LHPP: variants seen among roughly 807,000 people sequenced by gnomAD.
LHPP encodes the protein phospholysine phosphohistidine inorganic pyrophosphate phosphatase.
In LHPP, 24 loss-of-function variants were observed where a neutral mutation model predicts 30.3. That is an observed-to-expected ratio of 0.79 (90% CI 0.57 to 1.11). The LOEUF (loss-of-function observed/expected upper bound fraction) is 1.11, where lower values mean the gene tolerates loss of function less well. LHPP is among the 50% of genes most tolerant of loss of function. The probability of loss-of-function intolerance (pLI) is 0.00; values close to 1 mark genes in which losing one functional copy is unlikely to be tolerated. For synonymous variants in LHPP, 150 were observed against 157.1 expected, an observed-to-expected ratio of 0.95 and a Z score of 0.34; for missense variants, 356 against 367.2, an observed-to-expected ratio of 0.97 and a Z score of 0.25.
At chr10:124,497,845 C>A (rs1260966710) in intron 4 of LHPP, among the ~76,000 whole-genome samples, 191 bp from the exon 5 acceptor site, 1 of 152,130 alleles carries the variant, frequency 6.6e-6, no homozygotes, top group Non-Finnish European at 1.5e-5. Flanking sequence ...GCTAGGGGAC[C>A]TGAGTGACCC....
At chr10:124,463,060 G>A (rs1425539159) in intron 1 of LHPP, among the ~76,000 whole-genome samples, 1 of 152,144 alleles carries the variant, frequency 6.6e-6, no homozygotes, top group Non-Finnish European at 1.5e-5. Context: ...GTAGAGACGG[G>A]GTTTCACCAT....
intron 5 of LHPP, among the ~76,000 whole-genome samples, chr10:124,506,961 TGGGCGG>T (rs1954113232): frequency 7.8e-5 from 1 of 12,744 alleles, no homozygotes; most frequent in Non-Finnish European, 1.4e-4. Flanking sequence ...GGATTTCAGG[TGGGCGG>T]GTAGACAGGA....
intron 5 of LHPP, among the ~76,000 whole-genome samples, chr10:124,502,237 T>C (rs943145521): frequency 8.6e-5 from 13 of 152,012 alleles, no homozygotes; most frequent in African/African-American, 3.2e-4. Context: ...ATCCCACTCA[T>C]GGCTTTCTGG....
In LHPP at chr10:124,546,702, G is replaced by A. The variant is rs569392123; in HGVS notation, c.716+29431G>A. Among the ~76,000 whole-genome samples the A allele has an allele frequency of 3.0e-3, 457 of 152,112 alleles. 4 individuals carry two copies. Among genetic ancestry groups the A allele is most frequent in the Non-Finnish European group, 4.3e-3 (289 of 67,980 alleles). The stretch of plus-strand genomic sequence containing the variant: ...TGGAATTACAGGCGTGAGCCACCGC[G>A]CCCGCCTCATGCGGTTGTATCTTGG... On this transcript the variant is annotated intron_variant, in intron 6 of 6. Coordinates refer to ENST00000368842, the MANE Select transcript of LHPP (RefSeq NM_022126.4).
At position 124,502,235 on chromosome 10, in the gene LHPP, C is replaced by T. The variant is rs192809787; in HGVS notation, c.624+4107C>T. 6.6e-4 allele frequency among the ~76,000 whole-genome samples: 100 copies of T among 152,152 alleles called. 1 individual carries two copies. The highest frequency in any genetic ancestry group is 2.4e-3 in the African/African-American group (99 of 41,370). On this transcript the variant is annotated intron_variant, in intron 5 of 6. Transcript: ENST00000368842. ...TTCAGACACCACCAGTCATCCCACT[C>T]ATGGCTTTCTGGGGACACGTTGCAT...
intron 1 of LHPP, among the ~76,000 whole-genome samples, chr10:124,468,299 G>T (rs957015864): frequency 1.3e-5 from 2 of 152,170 alleles, no homozygotes; most frequent in African/African-American, 4.8e-5. Flanking sequence ...CTAGCTGGGG[G>T]TGTCTCTGGT....
intron 6 of LHPP, among the ~76,000 whole-genome samples, chr10:124,600,189 C>A (rs538450484): frequency 1.3e-5 from 2 of 152,232 alleles, no homozygotes; most frequent in Admixed American, 1.3e-4. Context: ...TTGTTGGTAG[C>A]GCGGCCCCTC....
intron 6 of LHPP, among the ~76,000 whole-genome samples, chr10:124,531,036 C>T (rs1309595151): frequency 6.6e-6 from 1 of 152,202 alleles, no homozygotes; most frequent in Non-Finnish European, 1.5e-5. Context: ...TGAGGACACG[C>T]CCACCCGCCA....
chr10:124,593,678 C>T lies in LHPP; in HGVS notation c.717-19586C>T, dbSNP rs1000489337. On this transcript the variant is annotated intron_variant, in intron 6 of 6. Coordinates refer to ENST00000368842, the MANE Select transcript of LHPP (RefSeq NM_022126.4). The surrounding 1 kb of genome is among the most constrained non-coding windows in gnomAD (Gnocchi z 4.9). ...ATCCAGAGGGTGGTGGACCCAAACGCGACGTCCCCAGTGGCGGTGGCTGAG... is the reference window on the plus strand; with the variant it reads ...ATCCAGAGGGTGGTGGACCCAAACGTGACGTCCCCAGTGGCGGTGGCTGAG... Among the ~76,000 whole-genome samples, 8 of 152,240 alleles carry T rather than the reference C, an allele frequency of 5.3e-5. No homozygotes were observed. Among genetic ancestry groups the T allele is most frequent in the Admixed American group, 2.0e-4 (3 of 15,290 alleles).
At chr10:124,571,591 G>A (rs747352270) in intron 6 of LHPP, among the ~76,000 whole-genome samples, 5 of 152,234 alleles carry the variant, frequency 3.3e-5, no homozygotes, top group South Asian at 2.1e-4. Flanking sequence ...AGAGCCCCCC[G>A]TGTTTCAGAT....
At chr10:124,540,464 C>T (rs12773685) in intron 6 of LHPP, among the ~76,000 whole-genome samples, 17,250 of 152,308 alleles carry the variant, frequency 0.11, 1,350 homozygotes, top group Non-Finnish European at 0.16. Context: ...ACCCCACTGA[C>T]GGCTCTCAGT....
Position 124,492,310 on chromosome 10 carries a change from A to G in LHPP, c.467+3735A>G, listed in dbSNP as rs141959111. 3.3e-3 allele frequency among the ~76,000 whole-genome samples: 507 copies of G among 152,348 alleles called. 1 individual carries two copies. The highest frequency in any genetic ancestry group is 0.01 in the South Asian group (50 of 4,828). The stretch of plus-strand genomic sequence containing the variant: ...AAAAAATTTCTAGTATGTTTCTCAT[A>G]TAAATAAAATGTGTCCTGTATGTAG... On this transcript the variant is annotated intron_variant, in intron 3 of 6. Transcript: ENST00000368842.
At chr10:124,550,199 A>G (rs1427464968) in intron 6 of LHPP, among the ~76,000 whole-genome samples, 1 of 152,352 alleles carries the variant, frequency 6.6e-6, no homozygotes, top group East Asian at 1.9e-4. Context: ...GAGCCTGGTA[A>G]GCTGCCGGCA....
At chr10:124,604,244 G>A (rs994655474) in intron 6 of LHPP, among the ~76,000 whole-genome samples, 4 of 152,186 alleles carry the variant, frequency 2.6e-5, no homozygotes, top group African/African-American at 7.2e-5. Context: ...TCTCCACTCC[G>A]CCACCCAGCT....
At chr10:124,485,045 A>G (rs1463680579) in intron 2 of LHPP, among the ~76,000 whole-genome samples, 3 of 152,124 alleles carry the variant, frequency 2.0e-5, no homozygotes, top group Non-Finnish European at 2.9e-5. Context: ...TAGTTTTACA[A>G]ACTGCTAGGC....
intron 6 of LHPP, among the ~76,000 whole-genome samples, chr10:124,529,796 TACACACACACACACACGCACAC>T (rs1564812337): frequency 7.1e-6 from 1 of 140,242 alleles, no homozygotes. Flanking sequence ...CTCATGCACA[TACACACACACACACACGCACAC>T]ACACACACAC....
At chr10:124,529,807 A>G (rs1039268899) in intron 6 of LHPP, among the ~76,000 whole-genome samples, 1 of 127,218 alleles carries the variant, frequency 7.9e-6, no homozygotes, top group African/African-American at 2.5e-5. Context: ...ACACACACAC[A>G]CACACGCACA....
At position 124,567,815 on chromosome 10, in the gene LHPP, C is replaced by T. The variant is rs187391764; in HGVS notation, c.717-45449C>T. Among the ~76,000 whole-genome samples, 76 of 152,372 alleles carry T rather than the reference C, an allele frequency of 5.0e-4. 1 individual carries two copies. In the South Asian group the frequency reaches 0.015, roughly 29 times the overall value. On this transcript the variant is annotated intron_variant, in intron 6 of 6. Transcript: ENST00000368842. ...ACACACATGCGCATGCATGCACACA[C>T]TGTACCCACGTGCACACACGAGTGC...
rs371457282 is a variant in LHPP, at chr10:124,578,508, G to A, written c.717-34756G>A. On this transcript the variant is annotated intron_variant, in intron 6 of 6. Transcript: ENST00000368842. ...GTCTGCTGTGAAGGACTGGCGGGAC[G>A]CAAACGGTTACCACTGGTGTGACGG... Among the ~76,000 whole-genome samples, 30 of 152,352 alleles carry A rather than the reference G, an allele frequency of 2.0e-4. No individual in the cohort carries two copies. In the East Asian group the frequency reaches 3.3e-3, roughly 17 times the overall value.
Sources: gnomAD v4.1 joint callset for allele counts (sites outside exome capture counted in the v4.1 genomes callset) on GRCh38, gnomAD v4.1.1 for gene constraint, Gnocchi (gnomAD v3.1) non-coding constraint, MANE v1.5 for transcripts, NCBI Gene and HGNC (gene_info 2026-07-23, HGNC 2026-07-21) for gene names.